Variants in ADGRG4 observed in about 807,000 individuals in gnomAD.
The protein encoded by ADGRG4 is adhesion G protein-coupled receptor G4.
In ADGRG4, 122 loss-of-function variants were observed where a neutral mutation model predicts 126.2. The observed-to-expected ratio is 0.97, with a 90% CI of 0.83 to 1.12. ADGRG4 has a LOEUF of 1.12. ADGRG4 is among the 50% of genes most tolerant of loss of function. The pLI is 0.00. For missense variants in ADGRG4, 2,481 were observed against 2,251.8 expected, an observed-to-expected ratio of 1.10 and a Z score of -2.06; for synonymous variants, 943 against 838.7, an observed-to-expected ratio of 1.12 and a Z score of -2.15.
chrX:136,414,044 A>G, intron 24 of ADGRG4, 116 bp from the exon 25 acceptor site: 2 of 667,648 alleles, frequency 3.0e-6, no homozygotes, highest in Non-Finnish European at 4.4e-6. Context: ...CCTGGCCTAA[A>G]CTTTGTATTT....
At position 136,348,255 on chromosome X, in the gene ADGRG4, C is replaced by T. The variant is rs143954322; in HGVS notation, c.4549C>T (p.Pro1517Ser). ...TCCTATTTACCAGATGTCCTCATTGCCAGTTAATGTAACTGCCTTCACCTC... is the reference window on the plus strand; with the variant it reads ...TCCTATTTACCAGATGTCCTCATTGTCAGTTAATGTAACTGCCTTCACCTC... ...STPIYQMSSL[P>S]VNVTAFTSKK... is the part of the protein sequence containing the mutation. Residue 1517 changes from proline to serine, a missense_variant, in exon 6 of 26, where the codon CCA becomes TCA. By Grantham distance (74) the Pro-to-Ser change is moderately conservative (BLOSUM62 -1). Coordinates refer to ENST00000394143, the MANE Select transcript of ADGRG4 (RefSeq NM_153834.4). The T allele has an allele frequency of 2.2e-4, 268 of 1,208,563 alleles. 2 individuals are homozygous for T. The East Asian group carries it at 7.8e-3, about 35-fold the overall frequency.
At chrX:136,313,019 A>G (rs1312085059) in intron 4 of ADGRG4, among the ~76,000 whole-genome samples, 4 of 112,603 alleles carry the variant, frequency 3.6e-5, no homozygotes, top group Non-Finnish European at 7.5e-5. Context: ...ACAATATTCA[A>G]TGGTATGGAT....
chrX:136,405,672 G>A lies in ADGRG4; in HGVS notation c.8655-20G>A. The A allele has an allele frequency of 9.0e-7, 1 of 1,111,853 alleles. No homozygotes were observed. Among genetic ancestry groups the A allele is most frequent in the Non-Finnish European group, 1.2e-6 (1 of 831,963 alleles). 91.6% of individuals were successfully genotyped at this position (1,111,853 alleles called of 1,213,427 possible). A position where few individuals can be genotyped will look rare whatever the true frequency, so the allele number is the denominator to read the frequency against. On this transcript the variant is annotated intron_variant, in intron 22 of 25. Transcript: ENST00000394143. ...CTTTATGTTTCCCTATCTCATGATA[G>A]TCTTCTTTGTTTCTTACAGTTGTTG...
In ADGRG4 at chrX:136,346,352, C is replaced by T. The variant is rs1569322936; in HGVS notation, c.2646C>T (p.Val882=). The change falls in exon 6 of 26, where the codon GTC becomes GTT. Residue 882 remains valine (V), a synonymous_variant. Transcript: ENST00000394143. ...CAGCACAAAGGGTGACAGCTTCTGT[C>T]ACTGTTTCCTCTTTTCCTGATATAG... The part of the protein sequence containing the change: ...DESAQRVTAS[V]TVSSFPDIEK... 6 of 1,208,431 alleles carry T rather than the reference C, an allele frequency of 5.0e-6. No homozygotes were observed. The highest frequency in any genetic ancestry group is 2.3e-4 in the Middle Eastern group (1 of 4,358).
intron 1 of ADGRG4, among the ~76,000 whole-genome samples, chrX:136,302,272 G>A (rs1223817644): frequency 9.0e-6 from 1 of 111,629 alleles, no homozygotes; most frequent in Non-Finnish European, 1.9e-5. Context: ...GCAATGGTTT[G>A]TGGTTCTCCT....
chrX:136,320,489 A>G (rs2074833161), intron 4 of ADGRG4, among the ~76,000 whole-genome samples: 1 of 112,513 alleles, frequency 8.9e-6, no homozygotes, highest in Admixed American at 9.4e-5. Flanking sequence ...CCAAGTAGGC[A>G]AAAATGGTGT....
chrX:136,403,255 A>G lies in ADGRG4; in HGVS notation c.8587A>G (p.Ile2863Val). 8.3e-7 allele frequency: 1 copy of G among 1,210,622 alleles called. No homozygotes were observed. The highest frequency in any genetic ancestry group is 1.1e-6 in the Non-Finnish European group (1 of 894,283). ...FCLVGWGIPAIMVAITVSVKK... is the reference protein window; with the variant it reads ...FCLVGWGIPAVMVAITVSVKK... ...CTTTCCCACTGCAGGAATCCCGGCT[A>G]TCATGGTGGCAATCACAGTCAGTGT... The change falls in exon 22 of 26, where the codon ATC becomes GTC. Residue 2863 changes from isoleucine to valine, a missense_variant. Coordinates refer to ENST00000394143, the MANE Select transcript of ADGRG4 (RefSeq NM_153834.4).
In ADGRG4 at chrX:136,345,939, A is replaced by T; in HGVS notation, c.2233A>T (p.Thr745Ser). ...TGCTAATTTCTCCATAGTTTCTGGA[A>T]CCACATCCATAACCAATATGCCTGA... ...WFANFSIVSG[T>S]TSITNMPEFK... The change falls in exon 6 of 26, where the codon ACC (threonine) becomes TCC (serine). Residue 745 changes from threonine to serine, a missense_variant. Coordinates refer to ENST00000394143, the MANE Select transcript of ADGRG4 (RefSeq NM_153834.4). 1 of 1,210,536 alleles carries T rather than the reference A, an allele frequency of 8.3e-7. No individual in the cohort carries two copies. The highest frequency in any genetic ancestry group is 1.1e-6 in the Non-Finnish European group (1 of 894,457).
At chrX:136,399,168 G>C (rs1467844325) in intron 20 of ADGRG4, among the ~76,000 whole-genome samples, 1 of 111,435 alleles carries the variant, frequency 9.0e-6, no homozygotes, top group African/African-American at 3.3e-5. Flanking sequence ...CTGGGATGTT[G>C]AAACTATTCT....
intron 19 of ADGRG4, 41 bp from the exon 20 acceptor site, chrX:136,397,840 C>A (rs1274293443): frequency 1.7e-6 from 2 of 1,177,903 alleles, no homozygotes; most frequent in Admixed American, 4.5e-5. Context: ...CATAAACTTG[C>A]TCTGGTGTAT....
intron 4 of ADGRG4, among the ~76,000 whole-genome samples, chrX:136,317,892 CA>C: frequency 8.9e-6 from 1 of 112,029 alleles, no homozygotes; most frequent in Non-Finnish European, 1.9e-5. Flanking sequence ...TGGAAAACAA[CA>C]AGTGTTGGCT....
At position 136,365,389 on chromosome X, in the gene ADGRG4, A is replaced by T. The variant is rs145698383; in HGVS notation, c.7396+1794A>T. On this transcript the variant is annotated intron_variant, in intron 13 of 25. Transcript: ENST00000394143. ...GTTTCTGAGGTTCATCCAATGTTGTAGCATGTATCATTGCTTCATTCCTTT... is the reference window on the plus strand; with the variant it reads ...GTTTCTGAGGTTCATCCAATGTTGTTGCATGTATCATTGCTTCATTCCTTT... 2.1e-3 allele frequency among the ~76,000 whole-genome samples: 233 copies of T among 111,906 alleles called. 1 individual carries two copies. Among genetic ancestry groups the T allele is most frequent in the African/African-American group, 7.3e-3 (226 of 30,848 alleles).
In ADGRG4 at chrX:136,350,309, A is replaced by G; in HGVS notation, c.6603A>G (p.Thr2201=). The G allele has an allele frequency of 3.3e-6, 4 of 1,210,617 alleles. No homozygotes were observed. The highest frequency in any genetic ancestry group is 1.7e-5 in the African/African-American group (1 of 57,740). ...TTCCACTCATATCCACTGGGGTGACATATCCTTTTACAGCAACTGTGTCTT... is the reference window on the plus strand; with the variant it reads ...TTCCACTCATATCCACTGGGGTGACGTATCCTTTTACAGCAACTGTGTCTT... The part of the protein sequence containing the change: ...ASFPLISTGV[T]YPFTATVSSP... The change falls in exon 6 of 26, where the codon ACA becomes ACG. Residue 2201 remains threonine, a synonymous_variant. Coordinates refer to ENST00000394143, the MANE Select transcript of ADGRG4 (RefSeq NM_153834.4).
chrX:136,346,487 G>A lies in ADGRG4; in HGVS notation c.2781G>A (p.Met927Ile), dbSNP rs1303354465. 8 of 1,209,323 alleles carry A rather than the reference G, an allele frequency of 6.6e-6. No individual in the cohort carries two copies. The highest frequency in any genetic ancestry group is 5.2e-5 in the African/African-American group (3 of 57,303). The change falls in exon 6 of 26, where the codon ATG becomes ATA. Residue 927 changes from methionine to isoleucine, a missense_variant. Physicochemically the swap from Met to Ile is conservative, Grantham distance 10. Coordinates refer to ENST00000394143, the MANE Select transcript of ADGRG4 (RefSeq NM_153834.4). ...KTTPRSSYNE[M>I]TEMFNFNHTY... The stretch of plus-strand genomic sequence containing the variant: ...CACCTAGGAGTTCATACAATGAAAT[G>A]ACAGAAATGTTTAATTTTAACCACA...
Position 136,397,927 on chromosome X carries a change from C to T in ADGRG4, c.8231C>T (p.Ala2744Val), listed in dbSNP as rs775547546. ...TVDSVNEQIL[A>V]LITYTGCGIS... ...GATTCAGTGAATGAACAGATATTAGCGCTTATAACATACACCGGATGTGGA... is the reference window on the plus strand; with the variant it reads ...GATTCAGTGAATGAACAGATATTAGTGCTTATAACATACACCGGATGTGGA... The change falls in exon 20 of 26, where the codon GCG becomes GTG. Residue 2744 changes from alanine to valine, a missense_variant. Transcript: ENST00000394143. 4 of 1,193,228 alleles carry T rather than the reference C, an allele frequency of 3.4e-6. No individual in the cohort carries two copies. The highest frequency in any genetic ancestry group is 3.5e-5 in the African/African-American group (2 of 56,908).
chrX:136,352,289 G>A (rs2075067342), intron 7 of ADGRG4, among the ~76,000 whole-genome samples: 1 of 110,956 alleles, frequency 9.0e-6, no homozygotes. Flanking sequence ...GATGCATAGG[G>A]TTTCACTACA....
chrX:136,364,658 T>C (rs917884140), intron 13 of ADGRG4, among the ~76,000 whole-genome samples: 5 of 111,837 alleles, frequency 4.5e-5, no homozygotes, highest in African/African-American at 1.6e-4. Context: ...TACTCACATG[T>C]TTGATAGTGT....
intron 12 of ADGRG4, among the ~76,000 whole-genome samples, chrX:136,362,512 C>G (rs1039669860): frequency 1.1e-4 from 12 of 111,946 alleles, no homozygotes; most frequent in African/African-American, 3.9e-4. Context: ...CTGTCGTGCT[C>G]CAGCTCCACA....
chrX:136,373,093 A>C, intron 15 of ADGRG4, 29 bp downstream of exon 15: 1 of 1,158,887 alleles, frequency 8.6e-7, no homozygotes, highest in Non-Finnish European at 1.2e-6. Context: ...ACTGAGAGCC[A>C]ATCAGCCAAG....
Sources: allele counts gnomAD v4.1 joint callset (sites outside exome capture counted in the v4.1 genomes callset), GRCh38; gene constraint gnomAD v4.1.1; transcripts MANE v1.5; gene names NCBI Gene and HGNC (gene_info 2026-07-23, HGNC 2026-07-21).